Variants in CHST11 observed in about 807,000 individuals in gnomAD.
CHST11 encodes carbohydrate sulfotransferase 11.
In CHST11, 9 loss-of-function variants were observed where a neutral mutation model predicts 30.4. That is an observed-to-expected ratio of 0.30 (90% CI 0.18 to 0.52). CHST11 has a LOEUF of 0.52. CHST11 is among the 20% of genes least tolerant of loss of function. CHST11 has a pLI of 0.97. For missense variants in CHST11, 348 were observed against 460.6 expected (o/e 0.76, Z 2.24); for synonymous variants, 152 against 187.8 (o/e 0.81, Z 1.56).
chr12:104,614,040 A>G (rs1178700298), intron 2 of CHST11, among the ~76,000 whole-genome samples: 1 of 152,230 alleles, frequency 6.6e-6, no homozygotes, highest in African/African-American at 2.4e-5. Flanking sequence ...CAGATCTTAA[A>G]TGTTCTGACT....
intron 2 of CHST11, among the ~76,000 whole-genome samples, chr12:104,623,015 T>C (rs1427634480): frequency 6.6e-6 from 1 of 152,158 alleles, no homozygotes; most frequent in East Asian, 1.9e-4. Context: ...AGACCAGAGG[T>C]CAGCAGACGT....
At chr12:104,475,671 TA>T (rs2037551243) in intron 1 of CHST11, among the ~76,000 whole-genome samples, 1 of 74,216 alleles carries the variant, frequency 1.3e-5, no homozygotes, top group Non-Finnish European at 2.6e-5. Context: ...TATATATATA[TA>T]TATATATATA....
intron 1 of CHST11, among the ~76,000 whole-genome samples, chr12:104,561,893 C>T (rs1168506065): frequency 1.3e-5 from 2 of 151,496 alleles, no homozygotes; most frequent in East Asian, 1.9e-4. Flanking sequence ...CGGATTCAAG[C>T]GATTCTCCTG....
At chr12:104,585,156 G>C (rs2038790537) in intron 1 of CHST11, among the ~76,000 whole-genome samples, 2 of 152,202 alleles carry the variant, frequency 1.3e-5, no homozygotes, top group Non-Finnish European at 2.9e-5. Context: ...TTGGGGGAGA[G>C]ATCGTCTTTC....
At chr12:104,492,650 A>T (rs1055047149) in intron 1 of CHST11, among the ~76,000 whole-genome samples, 1 of 152,260 alleles carries the variant, frequency 6.6e-6, no homozygotes, top group African/African-American at 2.4e-5. Context: ...ACTTTTGGCT[A>T]TTGATCTGTG....
chr12:104,606,897 G>A (rs1016876555), intron 2 of CHST11, among the ~76,000 whole-genome samples: 1 of 151,846 alleles, frequency 6.6e-6, no homozygotes, highest in African/African-American at 2.4e-5. Flanking sequence ...GTGAAATGTC[G>A]TCTCTACCAA....
intron 1 of CHST11, among the ~76,000 whole-genome samples, chr12:104,459,502 A>G (rs1029082260): frequency 2.6e-5 from 4 of 152,228 alleles, no homozygotes; most frequent in Non-Finnish European, 5.9e-5. Flanking sequence ...AATGCGCTTG[A>G]GCTTCTGTGT....
chr12:104,691,406 C>G (rs1034462811), intron 2 of CHST11, among the ~76,000 whole-genome samples: 2 of 151,948 alleles, frequency 1.3e-5, no homozygotes, highest in Non-Finnish European at 2.9e-5. Context: ...GCTACCCACA[C>G]CAACCATTTT....
chr12:104,535,273 G>T (rs1359889581), intron 1 of CHST11, among the ~76,000 whole-genome samples: 1 of 152,198 alleles, frequency 6.6e-6, no homozygotes, highest in Admixed American at 6.5e-5. Context: ...GAATGGGAAT[G>T]GTAGGTCAAG....
At chr12:104,738,593 G>A (rs1322904674) in intron 2 of CHST11, among the ~76,000 whole-genome samples, 1 of 152,192 alleles carries the variant, frequency 6.6e-6, no homozygotes, top group African/African-American at 2.4e-5. Context: ...GCACTTACCT[G>A]CAGGGGCACG....
At chr12:104,627,265 A>T (rs887241689) in intron 2 of CHST11, among the ~76,000 whole-genome samples, 7 of 152,116 alleles carry the variant, frequency 4.6e-5, no homozygotes, top group Non-Finnish European at 7.3e-5. Context: ...GGTTGCTTCC[A>T]AGTTTTGGCA....
At chr12:104,494,909 T>G (rs1222628088) in intron 1 of CHST11, among the ~76,000 whole-genome samples, 2 of 152,144 alleles carry the variant, frequency 1.3e-5, no homozygotes, top group Non-Finnish European at 2.9e-5. Context: ...GTGCAACAGA[T>G]CTCCAGAACT....
At chr12:104,597,150 T>G (rs2038913448) in intron 1 of CHST11, among the ~76,000 whole-genome samples, 1 of 152,116 alleles carries the variant, frequency 6.6e-6, no homozygotes, top group African/African-American at 2.4e-5. Flanking sequence ...GGGAATGGAG[T>G]GTCCACTTGA....
chr12:104,623,433 G>C (rs1423334214), intron 2 of CHST11, among the ~76,000 whole-genome samples: 1 of 152,214 alleles, frequency 6.6e-6, no homozygotes. Context: ...CATGTGGGCT[G>C]GACGAAGTGG....
chr12:104,741,419 G>A (rs528548288), intron 2 of CHST11, among the ~76,000 whole-genome samples: 7 of 152,352 alleles, frequency 4.6e-5, no homozygotes, highest in Admixed American at 2.6e-4. Flanking sequence ...TGGCTCATGC[G>A]TGCCTTTGGA....
intron 1 of CHST11, among the ~76,000 whole-genome samples, chr12:104,525,806 A>G (rs1444611154): frequency 1.3e-5 from 2 of 152,152 alleles, no homozygotes; most frequent in Admixed American, 6.5e-5. Flanking sequence ...GTATTACACA[A>G]CTAACAATCT....
intron 1 of CHST11, among the ~76,000 whole-genome samples, chr12:104,476,795 A>C (rs1343592092): frequency 6.6e-6 from 1 of 151,676 alleles, no homozygotes; most frequent in East Asian, 1.9e-4. Context: ...CAGATTCCTG[A>C]TGGAGCCTTC....
intron 2 of CHST11, among the ~76,000 whole-genome samples, chr12:104,667,851 C>T (rs1224833927): frequency 6.6e-6 from 1 of 152,198 alleles, no homozygotes; most frequent in African/African-American, 2.4e-5. Flanking sequence ...TTTCAAACAC[C>T]TTAGACACCC....
At chr12:104,498,029 G>T (rs1040731014) in intron 1 of CHST11, among the ~76,000 whole-genome samples, 1 of 146,390 alleles carries the variant, frequency 6.8e-6, no homozygotes, top group East Asian at 2.0e-4. Flanking sequence ...AGCAATTCTC[G>T]TGCCTCAGCC....
Sources: gnomAD v4.1 joint callset for allele counts (sites outside exome capture counted in the v4.1 genomes callset) on GRCh38, gnomAD v4.1.1 for gene constraint, MANE v1.5 for transcripts, NCBI Gene and HGNC (gene_info 2026-07-23, HGNC 2026-07-21) for gene names.